Variants in ANKRD29 observed in about 807,000 individuals in gnomAD.
ANKRD29 encodes the protein ankyrin repeat domain-containing protein 29.
ANKRD29 carries 32 observed loss-of-function variants against 38.0 expected under a neutral mutation model. The observed-to-expected ratio is 0.84, with a 90% confidence interval of 0.64 to 1.13. The LOEUF (loss-of-function observed/expected upper bound fraction) is 1.13, where lower values mean the gene tolerates loss of function less well. ANKRD29 is among the 50% of genes most tolerant of loss of function. ANKRD29 has a pLI of 0.00. For synonymous variants in ANKRD29, 135 were observed against 152.4 expected (o/e 0.89, Z 0.84); for missense variants, 357 against 377.9 (o/e 0.94, Z 0.46).
chr18:23,657,320 C>T lies in ANKRD29; in HGVS notation c.21+5390G>A, dbSNP rs187219790. Among the ~76,000 whole-genome samples the T allele has an allele frequency of 1.9e-3, 290 of 152,350 alleles. 1 individual carries two copies. Among genetic ancestry groups the T allele is most frequent in the African/African-American group, 6.5e-3 (271 of 41,584 alleles). Reference sequence around the variant, plus strand: ...GAGAGGTTTCCTTCTGCCATTCTAGCTAATTCCACAGCGAATGGAGCCCAG... The same window carrying T: ...GAGAGGTTTCCTTCTGCCATTCTAGTTAATTCCACAGCGAATGGAGCCCAG... On this transcript the variant is annotated intron_variant, in intron 1 of 9. Transcript: ENST00000592179.
At chr18:23,621,354 T>C (rs2145665036) in intron 6 of ANKRD29, among the ~76,000 whole-genome samples, 1 of 152,188 alleles carries the variant, frequency 6.6e-6, no homozygotes, top group South Asian at 2.1e-4. Context: ...GGAGAGAGGA[T>C]GAAGACATCT....
chr18:23,630,868 G>A (rs1598495186), intron 5 of ANKRD29, among the ~76,000 whole-genome samples: 1 of 147,168 alleles, frequency 6.8e-6, no homozygotes, highest in African/African-American at 2.5e-5. Context: ...TGGGGGCACT[G>A]AGGCAGGAGG....
At position 23,619,516 on chromosome 18, in the gene ANKRD29, G is replaced by A; in HGVS notation, c.627+15C>T. On this transcript the variant is annotated intron_variant, in intron 7 of 9. Coordinates refer to ENST00000592179, the MANE Select transcript of ANKRD29 (RefSeq NM_173505.4). ...GGGAGGCTTCGCTCTTTGGCCGCGC[G>A]ACTCGGGCACTCACGTTCCGCGCAG... 1 of 1,574,584 alleles carries A rather than the reference G, an allele frequency of 6.4e-7. No individual in the cohort carries two copies. The highest frequency in any genetic ancestry group is 8.5e-7 in the Non-Finnish European group (1 of 1,169,884).
chr18:23,611,187 C>T (rs949281184), intron 9 of ANKRD29, among the ~76,000 whole-genome samples: 1 of 152,172 alleles, frequency 6.6e-6, no homozygotes, highest in Non-Finnish European at 1.5e-5. Flanking sequence ...GTAACAGTGG[C>T]ATGTACTCCT....
Position 23,646,291 on chromosome 18 carries a change from G to A in ANKRD29, c.133-4C>T, listed in dbSNP as rs2060139591. On this transcript the variant is annotated splice_region_variant and splice_polypyrimidine_tract_variant and intron_variant, in intron 2 of 9. Coordinates refer to ENST00000592179, the MANE Select transcript of ANKRD29 (RefSeq NM_173505.4). The stretch of plus-strand genomic sequence containing the variant: ...CCATCAGGAGTGTGGTGCCATGCTG[G>A]ATGGAGGAGAGACAGATGAAGAGTT... 6.2e-7 allele frequency: 1 copy of A among 1,613,276 alleles called. No homozygotes were observed. The highest frequency in any genetic ancestry group is 8.5e-7 in the Non-Finnish European group (1 of 1,179,732).
chr18:23,619,886 T>C (rs1336826961), intron 6 of ANKRD29: 3 of 465,438 alleles, frequency 6.4e-6, no homozygotes, highest in Admixed American at 4.0e-5. Context: ...TTTTGGCTTA[T>C]AAAATCATCC....
Position 23,634,031 on chromosome 18 carries a change from T to C in ANKRD29, c.429+20A>G, listed in dbSNP as rs760133793. ...GTATGTGATGAGAAATGTCCTAATG[T>C]CCCCCTGAAATGCACTCACATAAAG... On this transcript the variant is annotated intron_variant, in intron 5 of 9. Transcript: ENST00000592179. 1.9e-6 allele frequency: 3 copies of C among 1,610,984 alleles called. No homozygotes were observed. In the African/African-American group the frequency reaches 4.0e-5, roughly 22 times the overall value.
In ANKRD29 at chr18:23,662,772, G is replaced by C; in HGVS notation, c.-42C>G. On this transcript the variant is annotated 5_prime_UTR_variant, in exon 1 of 10. Transcript: ENST00000592179. ...GCGGGAGCCGGCGCGCTTTGGGCCC[G>C]GGGCGCCTTGTCCTCCCCGGCCCTT... 2.1e-6 allele frequency: 3 copies of C among 1,444,902 alleles called. No individual in the cohort carries two copies. Among genetic ancestry groups the C allele is most frequent in the Non-Finnish European group, 2.7e-6 (3 of 1,101,126 alleles). The allele number at this position is 1,444,902 out of a possible 1,614,324, so 89.5% of individuals were successfully genotyped here. A position where few individuals can be genotyped will look rare whatever the true frequency, so the allele number is the denominator to read the frequency against.
chr18:23,661,141 C>G (rs1476681765), intron 1 of ANKRD29, among the ~76,000 whole-genome samples: 1 of 152,218 alleles, frequency 6.6e-6, no homozygotes, highest in Admixed American at 6.5e-5. Flanking sequence ...CTCAAATCTT[C>G]TTCAAGATTT....
chr18:23,600,284 C>A lies in ANKRD29; in HGVS notation c.*942G>T, dbSNP rs2059496006. On this transcript the variant is annotated 3_prime_UTR_variant, in exon 10 of 10. Transcript: ENST00000592179. The stretch of plus-strand genomic sequence containing the variant: ...ATTTATATTCCTGCAATAGTAATAG[C>A]AACATACTGTACTTGCATATATCAC... The A allele has an allele frequency of 6.6e-6, 1 of 152,170 alleles. No homozygotes were observed. Among genetic ancestry groups the A allele is most frequent in the Non-Finnish European group, 1.5e-5 (1 of 68,042 alleles). 9.4% of individuals were successfully genotyped at this position (152,170 alleles called of 1,614,324 possible). A position where few individuals can be genotyped will look rare whatever the true frequency, so the allele number is the denominator to read the frequency against.
chr18:23,625,995 C>T (rs1363517543), intron 6 of ANKRD29, among the ~76,000 whole-genome samples: 2 of 152,136 alleles, frequency 1.3e-5, no homozygotes, highest in South Asian at 2.1e-4. Flanking sequence ...TTCTGGCAGT[C>T]GATACACTTT....
chr18:23,652,140 A>G (rs899843007), intron 1 of ANKRD29, among the ~76,000 whole-genome samples: 1 of 152,204 alleles, frequency 6.6e-6, no homozygotes, highest in Non-Finnish European at 1.5e-5. Context: ...AGAAATGGGC[A>G]GGTGCTCCTG....
intron 5 of ANKRD29, among the ~76,000 whole-genome samples, chr18:23,631,841 T>TGA (rs1356369658): frequency 1.3e-5 from 2 of 152,188 alleles, no homozygotes; most frequent in African/African-American, 4.8e-5. Flanking sequence ...GTGGATCAGC[T>TGA]GAGAGCATGA....
In ANKRD29 at chr18:23,606,130, G is replaced by T. The variant is rs1192103503; in HGVS notation, c.823-4821C>A. On this transcript the variant is annotated intron_variant, in intron 9 of 9. Coordinates refer to ENST00000592179, the MANE Select transcript of ANKRD29 (RefSeq NM_173505.4). Reference sequence around the variant, plus strand: ...TAAGATCTTGTTTGCTTTTATAGGGGACAGGTTTTCTCTCTGTTGCTAAGG... The same window carrying T: ...TAAGATCTTGTTTGCTTTTATAGGGTACAGGTTTTCTCTCTGTTGCTAAGG... Among the ~76,000 whole-genome samples the T allele has an allele frequency of 5.9e-5, 9 of 152,226 alleles. No homozygotes were observed. The East Asian group carries it at 1.7e-3, about 29-fold the overall frequency.
Position 23,615,034 on chromosome 18 carries a change from T to G in ANKRD29, c.723+2698A>C, listed in dbSNP as rs540567165. The stretch of plus-strand genomic sequence containing the variant: ...AGAACGGCTTCTACTTTTAAAAATT[T>G]TTGCAGAGGCAGGGTTTCACTCCGT... On this transcript the variant is annotated intron_variant, in intron 8 of 9. Transcript: ENST00000592179. Among the ~76,000 whole-genome samples the G allele has an allele frequency of 1.0e-3, 157 of 152,316 alleles. 2 individuals are homozygous for G. Among genetic ancestry groups the G allele is most frequent in the African/African-American group, 3.7e-3 (153 of 41,572 alleles).
At chr18:23,619,978 G>C (rs139123291) in intron 6 of ANKRD29, among the ~76,000 whole-genome samples, 2 of 152,278 alleles carry the variant, frequency 1.3e-5, no homozygotes, top group East Asian at 1.9e-4. Context: ...TGAAGGCTTG[G>C]GGGAGCAGCT....
intron 6 of ANKRD29, 37 bp downstream of exon 6, chr18:23,629,816 G>A (rs375311820): frequency 3.5e-5 from 56 of 1,577,792 alleles, no homozygotes; most frequent in South Asian, 2.1e-4. Flanking sequence ...TGCCCCATGC[G>A]CCATGTGCTC....
intron 1 of ANKRD29, among the ~76,000 whole-genome samples, chr18:23,655,685 C>T (rs1187539702): frequency 6.6e-6 from 1 of 151,652 alleles, no homozygotes; most frequent in African/African-American, 2.4e-5. Context: ...GAACTCCTGA[C>T]CTCAGGTGAT....
rs928117002 is a variant in ANKRD29 at position 23,654,438 on chromosome 18, C to T, written c.22-5245G>A. On this transcript the variant is annotated intron_variant, in intron 1 of 9. Coordinates refer to ENST00000592179, the MANE Select transcript of ANKRD29 (RefSeq NM_173505.4). ...AGTTCGAGACCAGTCTGGCCAACAA[C>T]GTGAAACCCTGTTTCTACTAAAAAT... Among the ~76,000 whole-genome samples, 13 of 151,570 alleles carry T rather than the reference C, an allele frequency of 8.6e-5. No individual in the cohort carries two copies. In the East Asian group the frequency reaches 1.2e-3, roughly 14 times the overall value.
Sources: gnomAD v4.1 joint callset for allele counts (sites outside exome capture counted in the v4.1 genomes callset) on GRCh38, gnomAD v4.1.1 for gene constraint, MANE v1.5 for transcripts, NCBI Gene and HGNC (gene_info 2026-07-23, HGNC 2026-07-21) for gene names.